Variants in HIVEP3 observed in about 807,000 individuals in gnomAD.
HIVEP3 encodes transcription factor HIVEP3.
Under a neutral mutation model 152.8 loss-of-function variants are expected in HIVEP3, and 49 were observed. The ratio of observed to expected loss-of-function variants is 0.32; its 90% CI spans 0.26 to 0.41. The LOEUF (loss-of-function observed/expected upper bound fraction) is 0.41, where lower values mean the gene tolerates loss of function less well. Among genes scored for constraint, HIVEP3 ranks in the 10% least tolerant of loss-of-function variants. The pLI, the probability that HIVEP3 is intolerant of heterozygous loss-of-function variation, is 1.00. For synonymous variants in HIVEP3, 1,269 were observed against 1,289.0 expected (o/e 0.98, Z 0.33); for missense variants, 2,790 against 3,103.3 (o/e 0.90, Z 2.40).
intron 1 of HIVEP3, among the ~76,000 whole-genome samples, chr1:41,744,723 C>T (rs544813288): frequency 6.6e-6 from 1 of 152,328 alleles, no homozygotes; most frequent in Admixed American, 6.5e-5. Flanking sequence ...AGACAGTTCA[C>T]CTTCTCATGG....
chr1:41,810,351 A>G (rs1650879977), intron 1 of HIVEP3, among the ~76,000 whole-genome samples: 1 of 152,232 alleles, frequency 6.6e-6, no homozygotes, highest in African/African-American at 2.4e-5. Context: ...AAACTCCACA[A>G]GCATCCTAGC....
chr1:41,639,823 A>G (rs1387974574), intron 2 of HIVEP3, among the ~76,000 whole-genome samples: 6 of 152,154 alleles, frequency 3.9e-5, no homozygotes, highest in African/African-American at 4.8e-5. Flanking sequence ...TCTCTCTCAC[A>G]TGGTAGCTGA....
At chr1:42,005,457 T>C (rs1046006693) in intron 1 of HIVEP3, among the ~76,000 whole-genome samples, 1 of 152,158 alleles carries the variant, frequency 6.6e-6, no homozygotes, top group Non-Finnish European at 1.5e-5. Context: ...TACACAGATA[T>C]ATATAATGAA....
At chr1:41,611,195 C>T (rs76699758) in intron 3 of HIVEP3, among the ~76,000 whole-genome samples, 3,238 of 152,308 alleles carry the variant, frequency 0.021, 118 homozygotes, top group African/African-American at 0.075. Context: ...GATGAATAAA[C>T]AAACGCTAAG....
intron 1 of HIVEP3, among the ~76,000 whole-genome samples, chr1:41,916,505 G>A (rs915471390): frequency 1.3e-5 from 2 of 152,156 alleles, no homozygotes; most frequent in Non-Finnish European, 1.5e-5. Context: ...GAGTGGAGAG[G>A]AAGCAGAGAG....
At chr1:41,801,756 T>C (rs1329588886) in intron 1 of HIVEP3, among the ~76,000 whole-genome samples, 1 of 148,682 alleles carries the variant, frequency 6.7e-6, no homozygotes, top group Non-Finnish European at 1.5e-5. Flanking sequence ...AAAAATAAAA[T>C]AAGATAAAAA....
At chr1:41,869,099 A>G (rs1644033222) in intron 1 of HIVEP3, among the ~76,000 whole-genome samples, 1 of 152,162 alleles carries the variant, frequency 6.6e-6, no homozygotes, top group Admixed American at 6.5e-5. Flanking sequence ...TACACCCTAT[A>G]GGCTACTTAT....
intron 1 of HIVEP3, among the ~76,000 whole-genome samples, chr1:41,860,840 G>A (rs1261247346): frequency 6.6e-6 from 1 of 152,164 alleles, no homozygotes; most frequent in Non-Finnish European, 1.5e-5. Flanking sequence ...TAGAATTCTG[G>A]CTAATTTTCC....
chr1:41,942,521 C>A (rs547698562), intron 1 of HIVEP3, among the ~76,000 whole-genome samples: 16 of 152,312 alleles, frequency 1.1e-4, no homozygotes. Flanking sequence ...AGCAAGAATG[C>A]AGAGTGGTAT....
At chr1:41,971,048 T>A (rs925080649) in intron 1 of HIVEP3, among the ~76,000 whole-genome samples, 1 of 152,240 alleles carries the variant, frequency 6.6e-6, no homozygotes, top group Non-Finnish European at 1.5e-5. Flanking sequence ...TAAATTGGTA[T>A]AATTTCAAAA....
At chr1:41,750,185 A>G (rs186891053) in intron 1 of HIVEP3, among the ~76,000 whole-genome samples, 31 of 152,152 alleles carry the variant, frequency 2.0e-4, no homozygotes, top group Admixed American at 1.6e-3. Context: ...GCACACACCT[A>G]CCCCACAGGG....
chr1:41,779,174 C>A lies in HIVEP3; in HGVS notation c.-800-78179G>T, dbSNP rs533732514. 5.9e-5 allele frequency among the ~76,000 whole-genome samples: 9 copies of A among 152,318 alleles called. No homozygotes were observed. The South Asian group carries it at 1.0e-3, about 18-fold the overall frequency. On this transcript the variant is annotated intron_variant, in intron 1 of 8. Coordinates refer to ENST00000372583, the MANE Select transcript of HIVEP3 (RefSeq NM_024503.5). ...TCCTCCCACCCCCTCCTGCTGTCCC[C>A]CAACCAGGTGCATCTCTCTGTTCTC...
chr1:41,640,196 C>T (rs12134166), intron 2 of HIVEP3, among the ~76,000 whole-genome samples: 77,202 of 142,952 alleles, frequency 0.54, 20,304 homozygotes, highest in Non-Finnish European at 0.57. Flanking sequence ...AGGAGAATAC[C>T]GGAGTGGCGG....
chr1:41,896,543 C>A (rs1483343886), intron 1 of HIVEP3, among the ~76,000 whole-genome samples: 1 of 151,922 alleles, frequency 6.6e-6, no homozygotes, highest in East Asian at 1.9e-4. Context: ...CCTTGTAATC[C>A]CACTCAAAAA....
chr1:41,804,495 G>A (rs974017989), intron 1 of HIVEP3, among the ~76,000 whole-genome samples: 1 of 152,202 alleles, frequency 6.6e-6, no homozygotes, highest in Non-Finnish European at 1.5e-5. Flanking sequence ...CTCATTCAAG[G>A]TCATGTACTA....
At chr1:41,965,762 C>T (rs554906936) in intron 1 of HIVEP3, among the ~76,000 whole-genome samples, 8 of 152,190 alleles carry the variant, frequency 5.3e-5, no homozygotes, top group Middle Eastern at 6.8e-3. Flanking sequence ...GATTGGGGTA[C>T]CTGAAAGGGA....
chr1:41,577,994 C>A (rs985760981), intron 4 of HIVEP3, among the ~76,000 whole-genome samples: 1 of 152,168 alleles, frequency 6.6e-6, no homozygotes, highest in Non-Finnish European at 1.5e-5. Flanking sequence ...AAATAATTGC[C>A]GAATCCAAAT....
chr1:41,852,833 C>A (rs1204464285), intron 1 of HIVEP3, among the ~76,000 whole-genome samples: 2 of 152,196 alleles, frequency 1.3e-5, no homozygotes, highest in African/African-American at 4.8e-5. Flanking sequence ...AATTTCTTAT[C>A]CTTTCTTCCA....
intron 1 of HIVEP3, among the ~76,000 whole-genome samples, chr1:41,749,719 C>T (rs1236476604): frequency 1.3e-5 from 2 of 149,724 alleles, no homozygotes; most frequent in African/African-American, 4.9e-5. Context: ...TTGGATAAGA[C>T]ATCTCGCTTT....
Sources: allele counts gnomAD v4.1 joint callset (sites outside exome capture counted in the v4.1 genomes callset), GRCh38; gene constraint gnomAD v4.1.1; transcripts MANE v1.5; gene names NCBI Gene and HGNC (gene_info 2026-07-23, HGNC 2026-07-21).